MAPK11: variants seen among roughly 807,000 people sequenced by gnomAD.
The protein encoded by MAPK11 is MAP kinase 11.
In MAPK11, 44 loss-of-function variants were observed where a neutral mutation model predicts 52.2. The ratio of observed to expected loss-of-function variants is 0.84; its 90% CI spans 0.66 to 1.08. The LOEUF is 1.08. Among genes scored for constraint, MAPK11 ranks in the 50% least tolerant of loss-of-function variants. The pLI is 0.00. For synonymous variants in MAPK11, 233 were observed against 206.3 expected (o/e 1.13, Z -1.11); for missense variants, 436 against 494.7 (o/e 0.88, Z 1.13).
At chr22:50,267,682 T>TC (rs901274368) in intron 2 of MAPK11, 55 bp from the exon 3 acceptor site, 13 of 1,477,078 alleles carry the variant, frequency 8.8e-6, no homozygotes, top group Admixed American at 2.3e-5. Context: ...GTCGTTCAGC[T>TC]CCCCCCGGGC....
Position 50,267,643 on chromosome 22 carries a change from C to T in MAPK11, c.247-16G>A, listed in dbSNP as rs1181784670. 6 of 1,528,712 alleles carry T rather than the reference C, an allele frequency of 3.9e-6. No homozygotes were observed. In the South Asian group the frequency reaches 6.1e-5, roughly 15 times the overall value. The allele number at this position is 1,528,712 out of a possible 1,614,324, so 94.7% of individuals were successfully genotyped here. A position where few individuals can be genotyped will look rare whatever the true frequency, so the allele number is the denominator to read the frequency against. On this transcript the variant is annotated splice_polypyrimidine_tract_variant and intron_variant, in intron 2 of 11. Coordinates refer to ENST00000330651, the MANE Select transcript of MAPK11 (RefSeq NM_002751.7). ...GCCCGATGACCTAGGTGGCGGGGGG[C>T]GTCAGGGCCGGGCGACGAACCCCCG...
At chr22:50,265,791 G>C (rs974533960) in intron 9 of MAPK11, 131 bp from the exon 10 acceptor site, 2 of 631,554 alleles carry the variant, frequency 3.2e-6, no homozygotes. Flanking sequence ...AGGCAGACCA[G>C]TGACCCCCTC....
Position 50,264,905 on chromosome 22 carries a change from C to A in MAPK11, c.*43G>T. On this transcript the variant is annotated 3_prime_UTR_variant, in exon 12 of 12. Transcript: ENST00000330651. ...CAGGCCAGCTGTGGAAGGGTGCAGG[C>A]CCAAGCCCCTCCACAGGCTCTCAGG... 6.5e-7 allele frequency: 1 copy of A among 1,536,426 alleles called. No homozygotes were observed. The highest frequency in any genetic ancestry group is 8.9e-7 in the Non-Finnish European group (1 of 1,122,748).
intron 4 of MAPK11, 29 bp from the exon 5 acceptor site, chr22:50,267,315 G>A (rs200423174): frequency 1.3e-6 from 2 of 1,590,548 alleles, no homozygotes; most frequent in Non-Finnish European, 1.7e-6. Context: ...GGTGAGCGCC[G>A]GGCCCGGCCC....
intron 7 of MAPK11, 119 bp from the exon 8 acceptor site, chr22:50,266,730 C>T: frequency 1.8e-6 from 2 of 1,087,044 alleles, no homozygotes; most frequent in South Asian, 1.3e-5. Flanking sequence ...ATACCCAACC[C>T]CCCTAGGCAG....
rs1247986304 is a variant in MAPK11 at position 50,266,273 on chromosome 22, C to A, written c.715G>T (p.Val239Leu). 1 of 1,607,978 alleles carries A rather than the reference C, an allele frequency of 6.2e-7. No individual in the cohort carries two copies. The highest frequency in any genetic ancestry group is 2.2e-5 in the East Asian group (1 of 44,782). Residue 239 changes from valine (V) to leucine (L), a missense_variant, in exon 9 of 12, where the codon GTG becomes TTG. Val to Leu is a conservative substitution (Grantham distance 32). Transcript: ENST00000330651. ...AGAACCTCAGGGCTGGGTGTGCCCA[C>A]CACTTCCATGATGCGCTTCAGCTGG... ...IDQLKRIMEV[V>L]GTPSPEVLAK... is the part of the protein sequence containing the mutation.
At chr22:50,265,138 C>T in intron 11 of MAPK11, 111 bp from the exon 12 acceptor site, 1 of 1,154,856 alleles carries the variant, frequency 8.7e-7, no homozygotes, top group Non-Finnish European at 1.2e-6. Context: ...ACAGCAGCCT[C>T]AGCACAGTCT....
intron 7 of MAPK11, 117 bp from the exon 8 acceptor site, chr22:50,266,728 C>T (rs779831310): frequency 1.9e-5 from 20 of 1,073,742 alleles, no homozygotes; most frequent in Middle Eastern, 3.9e-4. Flanking sequence ...CCATACCCAA[C>T]CCCCCTAGGC....
chr22:50,269,908 G>T (rs1173526948), intron 1 of MAPK11, among the ~76,000 whole-genome samples: 1 of 151,930 alleles, frequency 6.6e-6, no homozygotes, highest in Admixed American at 6.5e-5. Flanking sequence ...CGCCAGCTGT[G>T]ACCTCCCAGG....
At chr22:50,269,862 G>A (rs117450593) in intron 1 of MAPK11, among the ~76,000 whole-genome samples, 4,128 of 152,282 alleles carry the variant, frequency 0.027, 75 homozygotes, top group Middle Eastern at 0.051. Context: ...GGACATCAGG[G>A]TGGCTCGGGG....
At chr22:50,268,507 A>C (rs2065284211) in intron 1 of MAPK11, among the ~76,000 whole-genome samples, 1 of 152,166 alleles carries the variant, frequency 6.6e-6, no homozygotes, top group African/African-American at 2.4e-5. Flanking sequence ...AAGGTGATGT[A>C]CAGCTGAGGG....
In MAPK11 at chr22:50,268,632, C is replaced by G. The variant is rs555885527; in HGVS notation, c.117-683G>C. 6.8e-4 allele frequency among the ~76,000 whole-genome samples: 104 copies of G among 152,294 alleles called. No homozygotes were observed. In the Middle Eastern group the frequency reaches 0.014, roughly 20 times the overall value. Reference sequence around the variant, plus strand: ...CCTCCCTTTGCAGGTGACCCTCATCCCACCCTCCCATGTCCCACTGCCCTC... The same window carrying G: ...CCTCCCTTTGCAGGTGACCCTCATCGCACCCTCCCATGTCCCACTGCCCTC... On this transcript the variant is annotated intron_variant, in intron 1 of 11. Transcript: ENST00000330651.
chr22:50,267,378 C>G lies in MAPK11; in HGVS notation c.410G>C (p.Gly137Ala). 1 of 1,609,434 alleles carries G rather than the reference C, an allele frequency of 6.2e-7. No homozygotes were observed. Among genetic ancestry groups the G allele is most frequent in the Non-Finnish European group, 8.5e-7 (1 of 1,178,430 alleles). Residue 137 changes from glycine to alanine, a missense_variant, in exon 4 of 12, where the codon GGG becomes GCG. By Grantham distance (60) the Gly-to-Ala change is moderately conservative. Coordinates refer to ENST00000330651, the MANE Select transcript of MAPK11 (RefSeq NM_002751.7). ...VQFLVYQLLR[G>A]LKYIHSAGII... Reference sequence around the variant, plus strand: ...AAGCCCAGGGCGCCCCACCTTCAGCCCGCGCAGCAGCTGGTAAACCAGGAA... The same window carrying G: ...AAGCCCAGGGCGCCCCACCTTCAGCGCGCGCAGCAGCTGGTAAACCAGGAA...
intron 1 of MAPK11, among the ~76,000 whole-genome samples, chr22:50,268,526 G>A (rs2065284405): frequency 6.6e-6 from 1 of 152,200 alleles, no homozygotes; most frequent in Non-Finnish European, 1.5e-5. Context: ...GGCGTCAGCT[G>A]GACCCACAGA....
At chr22:50,268,715 C>T (rs962783830) in intron 1 of MAPK11, among the ~76,000 whole-genome samples, 2 of 152,156 alleles carry the variant, frequency 1.3e-5, no homozygotes, top group African/African-American at 4.8e-5. Context: ...ATACTTGCTT[C>T]TTCTCTCCCT....
Position 50,264,850 on chromosome 22 carries a change from A to G in MAPK11, c.*98T>C. The G allele has an allele frequency of 1.1e-6, 1 of 886,714 alleles. No individual in the cohort carries two copies. Among genetic ancestry groups the G allele is most frequent in the Non-Finnish European group, 1.8e-6 (1 of 566,200 alleles). The allele number at this position is 886,714 out of a possible 1,614,324, so 54.9% of individuals were successfully genotyped here. A position where few individuals can be genotyped will look rare whatever the true frequency, so the allele number is the denominator to read the frequency against. The stretch of plus-strand genomic sequence containing the variant: ...TCCTAGGCCAGAAGTCTGTGACCAT[A>G]GGAGTGTGGGAGGTGCCTCTCGAGG... On this transcript the variant is annotated 3_prime_UTR_variant, in exon 12 of 12. Coordinates refer to ENST00000330651, the MANE Select transcript of MAPK11 (RefSeq NM_002751.7).
At chr22:50,265,132 C>T in intron 11 of MAPK11, 105 bp from the exon 12 acceptor site, 1 of 1,173,088 alleles carries the variant, frequency 8.5e-7, no homozygotes, top group Non-Finnish European at 1.2e-6. Flanking sequence ...CCTGTGACAG[C>T]AGCCTCAGCA....
chr22:50,264,977 G>A lies in MAPK11; in HGVS notation c.1066C>T (p.Pro356Ser). The A allele has an allele frequency of 6.2e-7, 1 of 1,613,052 alleles. No individual in the cohort carries two copies. The highest frequency in any genetic ancestry group is 1.1e-5 in the South Asian group (1 of 90,852). The change falls in exon 12 of 12, where the codon CCA (proline) becomes TCA (serine). Residue 356 changes from proline (P) to serine (S), a missense_variant. Coordinates refer to ENST00000330651, the MANE Select transcript of MAPK11 (RefSeq NM_002751.7). ...LSFKPPEPPK[P>S]PGSLEIEQ ...TGCTCAATCTCCAGGCTGCCAGGTG[G>A]CTTCGGTGGCTCTGGGGGCTTGAAG...
rs574666769 is a variant in MAPK11, at chr22:50,268,107, G to A, written c.117-158C>T. ...CGCCCCAGCTCGGCCTCCCACCCTCGGGCCTACCCACTCCGCGCTTGCTGG... is the reference window on the plus strand; with the variant it reads ...CGCCCCAGCTCGGCCTCCCACCCTCAGGCCTACCCACTCCGCGCTTGCTGG... On this transcript the variant is annotated intron_variant, in intron 1 of 11. Coordinates refer to ENST00000330651, the MANE Select transcript of MAPK11 (RefSeq NM_002751.7). 6.6e-5 allele frequency among the ~76,000 whole-genome samples: 10 copies of A among 152,228 alleles called. No individual in the cohort carries two copies. In the South Asian group the frequency reaches 2.1e-3, roughly 32 times the overall value.
Sources: gnomAD v4.1 joint callset for allele counts (sites outside exome capture counted in the v4.1 genomes callset) on GRCh38, gnomAD v4.1.1 for gene constraint, MANE v1.5 for transcripts, NCBI Gene and HGNC (gene_info 2026-07-23, HGNC 2026-07-21) for gene names.